The following SPTA1 variants were observed in gnomAD, a reference collection of about 807,000 sequenced individuals.
SPTA1 encodes spectrin alpha chain, erythrocytic 1.
A neutral mutation model predicts 324.7 loss-of-function variants in SPTA1; 177 were observed. The ratio of observed to expected loss-of-function variants is 0.55; its 90% CI spans 0.48 to 0.62. The LOEUF is 0.62. SPTA1 is among the 20% of genes least tolerant of loss of function. SPTA1 has a pLI of 0.00. For missense variants in SPTA1, 3,162 were observed against 2,883.6 expected, an observed-to-expected ratio of 1.10 and a Z score of -2.21; for synonymous variants, 1,195 against 1,041.3, an observed-to-expected ratio of 1.15 and a Z score of -2.84.
In SPTA1 at chr1:158,648,278, T is replaced by G. The variant is rs926775431; in HGVS notation, c.3714+231A>C. On this transcript the variant is annotated intron_variant, in intron 26 of 51. Transcript: ENST00000643759. ...ACCAAAGAGGCAAGGGGATATAGGGTGCTCACTCAGACAGCAGGAGTTTAA... is the reference window on the plus strand; with the variant it reads ...ACCAAAGAGGCAAGGGGATATAGGGGGCTCACTCAGACAGCAGGAGTTTAA... Among the ~76,000 whole-genome samples, 6 of 152,164 alleles carry G rather than the reference T, an allele frequency of 3.9e-5. No homozygotes were observed. The East Asian group carries it at 5.8e-4, about 15-fold the overall frequency.
In SPTA1 at chr1:158,654,704, C is replaced by A; in HGVS notation, c.2943G>T (p.Arg981Ser). 2.5e-6 allele frequency: 4 copies of A among 1,613,698 alleles called. No homozygotes were observed. The highest frequency in any genetic ancestry group is 3.4e-6 in the Non-Finnish European group (4 of 1,179,918). Residue 981 changes from arginine to serine, a missense_variant, in exon 21 of 52, where the codon AGG becomes AGT. Coordinates refer to ENST00000643759, the MANE Select transcript of SPTA1 (RefSeq NM_003126.4). ...CCTGGAAGTCATATAAAGCCATGAC[C>A]CTTTGTTCTCCAGCAACTCCCTCCA... ...APVEGVAGEQ[R>S]VMALYDFQAR...
chr1:158,643,026 C>A lies in SPTA1; in HGVS notation c.4443-50G>T, dbSNP rs1427696594. ...TATGCCCTCCTCCACCCTTCCCATG[C>A]TCTGATGCCATATCCATAAATCTTC... is the stretch of plus-strand genomic sequence containing the variant. On this transcript the variant is annotated intron_variant, in intron 31 of 51. Transcript: ENST00000643759. 1.9e-6 allele frequency: 3 copies of A among 1,608,546 alleles called. No individual in the cohort carries two copies. In the African/African-American group the frequency reaches 4.0e-5, roughly 21 times the overall value.
rs756355366 is a variant in SPTA1, at chr1:158,678,409, T to C, written c.804A>G (p.Arg268=). 3 of 1,613,604 alleles carry C rather than the reference T, an allele frequency of 1.9e-6. No homozygotes were observed. The highest frequency in any genetic ancestry group is 2.5e-6 in the Non-Finnish European group (3 of 1,179,654). ...KALSNAANLQ[R]FKRDVTEAIQ... is the part of the protein sequence containing the mutation. ...AGTGGCCAGATCCATACCTTTTGAA[T>C]CGTTGTAAGTTTGCAGCATTGGACA... is the stretch of plus-strand genomic sequence containing the variant. The change falls in exon 6 of 52, where the codon CGA becomes CGG. Residue 268 remains arginine (R), a synonymous_variant. Coordinates refer to ENST00000643759, the MANE Select transcript of SPTA1 (RefSeq NM_003126.4).
chr1:158,666,255 C>T lies in SPTA1; in HGVS notation c.2220+61G>A, dbSNP rs535544776. The T allele has an allele frequency of 2.3e-4, 360 of 1,543,792 alleles. 2 individuals are homozygous for T. The African/African-American group carries it at 3.8e-3, about 17-fold the overall frequency. On this transcript the variant is annotated intron_variant, in intron 16 of 51. Transcript: ENST00000643759. ...GTAATAATTACTTATTACTTAATAA[C>T]GAGTGTGCTCAGAGCATATACACCC...
At position 158,615,545 on chromosome 1, in the gene SPTA1, C is replaced by A; in HGVS notation, c.6601-142G>T. On this transcript the variant is annotated intron_variant, in intron 47 of 51. Transcript: ENST00000643759. Reference sequence around the variant, plus strand: ...TGAAAAGATGAACTACTTGGGAAAACCACTTCACTTCTATAGTCCTCATTT... The same window carrying A: ...TGAAAAGATGAACTACTTGGGAAAAACACTTCACTTCTATAGTCCTCATTT... The A allele has an allele frequency of 3.9e-6, 3 of 766,846 alleles. No individual in the cohort carries two copies. In the South Asian group the frequency reaches 5.2e-5, roughly 13 times the overall value. 47.5% of individuals were successfully genotyped at this position (766,846 alleles called of 1,614,324 possible).
intron 16 of SPTA1, among the ~76,000 whole-genome samples, chr1:158,665,377 G>GT (rs1042839193): frequency 3.5e-4 from 53 of 152,074 alleles, no homozygotes; most frequent in African/African-American, 9.6e-4. Context: ...AGATTATTCT[G>GT]TTTTTTTCCA....
rs755281670 is a variant in SPTA1, at chr1:158,642,934, C to T, written c.4485G>A (p.Lys1495=). ...LKAQLIDERT[K]LGDYANLKQF... is the part of the protein sequence containing the mutation. ...GTTTTAGGTTGGCATAGTCTCCAAG[C>T]TTTGTCCGCTCATCAATCAGTTGTG... is the stretch of plus-strand genomic sequence containing the variant. Residue 1495 remains lysine, a synonymous_variant, in exon 32 of 52, where the codon AAG becomes AAA. Transcript: ENST00000643759. The T allele has an allele frequency of 2.0e-5, 33 of 1,613,644 alleles. No homozygotes were observed. In the South Asian group the frequency reaches 2.9e-4, roughly 14 times the overall value.
At chr1:158,680,472 T>C in intron 5 of SPTA1, 111 bp downstream of exon 5, 1 of 1,491,082 alleles carries the variant, frequency 6.7e-7, no homozygotes, top group African/African-American at 1.4e-5. Context: ...CATGCCAACC[T>C]CTGTTTTCTC....
At chr1:158,616,735 T>C (rs1318059051) in intron 47 of SPTA1, among the ~76,000 whole-genome samples, 1 of 152,220 alleles carries the variant, frequency 6.6e-6, no homozygotes, top group African/African-American at 2.4e-5. Flanking sequence ...AGGGCAGATA[T>C]TTCTTTGATA....
intron 37 of SPTA1, 152 bp from the exon 38 acceptor site, chr1:158,636,186 G>T: frequency 7.3e-7 from 1 of 1,368,776 alleles, no homozygotes; most frequent in East Asian, 2.3e-5. Context: ...CAGGGAGAAT[G>T]ATGAAAGCTG....
In SPTA1 at chr1:158,680,061, A is replaced by G. The variant is rs181176887; in HGVS notation, c.678+522T>C. On this transcript the variant is annotated intron_variant, in intron 5 of 51. Transcript: ENST00000643759. ...CTTACATATACATGTAAACTTATAT[A>G]TATATACACATCACAAACTTAAGTA... Among the ~76,000 whole-genome samples the G allele has an allele frequency of 1.2e-4, 18 of 152,322 alleles. No individual in the cohort carries two copies. The East Asian group carries it at 3.5e-3, about 29-fold the overall frequency.
rs779368361 is a variant in SPTA1, at chr1:158,656,799, A to C, written c.2806-143T>G. Reference sequence around the variant, plus strand: ...TATCATAAAGTTATTTTTAACCCTAAATTTGCAAGCATGAAGGAAATAGGA... The same window carrying C: ...TATCATAAAGTTATTTTTAACCCTACATTTGCAAGCATGAAGGAAATAGGA... On this transcript the variant is annotated intron_variant, in intron 19 of 51. Transcript: ENST00000643759. 498 of 705,152 alleles carry C rather than the reference A, an allele frequency of 7.1e-4. 3 individuals are homozygous for C. The highest frequency in any genetic ancestry group is 3.7e-4 in the Middle Eastern group (1 of 2,698). 43.7% of individuals were successfully genotyped at this position (705,152 alleles called of 1,614,324 possible).
chr1:158,651,306 GAAATGAGGACTCCC>G (rs1652412517), intron 24 of SPTA1, 47 bp downstream of exon 24: 1 of 1,054,104 alleles, frequency 9.5e-7, no homozygotes, highest in South Asian at 1.3e-5. Context: ...ATGTTGAAGT[GAAATGAGGACTCCC>G]AAAGCCCAAC....
chr1:158,646,816 G>A (rs1333229487), intron 27 of SPTA1, among the ~76,000 whole-genome samples: 1 of 152,100 alleles, frequency 6.6e-6, no homozygotes, highest in Non-Finnish European at 1.5e-5. Context: ...ACAACTTCCT[G>A]GACCCTCTAC....
intron 27 of SPTA1, 23 bp downstream of exon 27, chr1:158,647,516 G>A (rs753097777): frequency 2.7e-5 from 44 of 1,612,224 alleles, no homozygotes; most frequent in Non-Finnish European, 3.4e-5. Flanking sequence ...GGCCAGACAC[G>A]GAAGTTACCC....
intron 42 of SPTA1, among the ~76,000 whole-genome samples, chr1:158,625,472 TA>T (rs1650208980): frequency 6.6e-6 from 1 of 151,976 alleles, no homozygotes; most frequent in South Asian, 2.1e-4. Context: ...CAAATGTACA[TA>T]CAATATACAA....
At chr1:158,632,386 C>G (rs1650740838) in intron 39 of SPTA1, among the ~76,000 whole-genome samples, 1 of 152,070 alleles carries the variant, frequency 6.6e-6, no homozygotes, top group Non-Finnish European at 1.5e-5. Context: ...TACCTATAGT[C>G]AACAATAATA....
intron 18 of SPTA1, 148 bp downstream of exon 18, chr1:158,661,139 C>T (rs1053171337): frequency 4.2e-6 from 5 of 1,203,410 alleles, no homozygotes; most frequent in East Asian, 4.7e-5. Context: ...AAACCATATG[C>T]CCATTTGTCA....
At chr1:158,635,772 G>T in intron 38 of SPTA1, 141 bp downstream of exon 38, 2 of 1,257,684 alleles carry the variant, frequency 1.6e-6, no homozygotes, top group Non-Finnish European at 2.3e-6. Flanking sequence ...TGGTAAACTT[G>T]TCATTTGAGA....
Sources: allele counts gnomAD v4.1 joint callset (sites outside exome capture counted in the v4.1 genomes callset), GRCh38; gene constraint gnomAD v4.1.1; transcripts MANE v1.5; gene names NCBI Gene and HGNC (gene_info 2026-07-23, HGNC 2026-07-21).